RAX: variants seen among roughly 807,000 people sequenced by gnomAD.
RAX encodes the protein retinal homeobox protein Rx.
In RAX, 11 loss-of-function variants were observed where a neutral mutation model predicts 17.4. That is an observed-to-expected ratio of 0.63 (90% CI 0.40 to 1.05). The LOEUF (loss-of-function observed/expected upper bound fraction) is 1.05, where lower values mean the gene tolerates loss of function less well. RAX is among the 50% of genes least tolerant of loss of function. The pLI, the probability that RAX is intolerant of heterozygous loss-of-function variation, is 0.00. For synonymous variants in RAX, 276 were observed against 254.7 expected, an observed-to-expected ratio of 1.08 and a Z score of -0.80; for missense variants, 527 against 501.1, an observed-to-expected ratio of 1.05 and a Z score of -0.49.
In RAX at chr18:59,273,260, A is replaced by G. The variant is rs1238086410; in HGVS notation, c.-54T>C. ...TTGGAGACGGAGAGGAGAGGCTCGA[A>G]GCCGGGTCTTCCCGAGTGCGGCGGT... On this transcript the variant is annotated 5_prime_UTR_variant, in exon 1 of 3. Coordinates refer to ENST00000334889, the MANE Select transcript of RAX (RefSeq NM_013435.3). 6.7e-7 allele frequency: 1 copy of G among 1,488,908 alleles called. No homozygotes were observed. The allele number at this position is 1,488,908 out of a possible 1,614,324, so 92.2% of individuals were successfully genotyped here.
At chr18:59,272,232 A>G in intron 2 of RAX, 129 bp downstream of exon 2, 2 of 1,296,214 alleles carry the variant, frequency 1.5e-6, no homozygotes, top group Non-Finnish European at 2.2e-6. Flanking sequence ...CTCCCTTGAG[A>G]CTCTGGGCAT....
rs2070309493 is a variant in RAX at position 59,269,140 on chromosome 18, G to C, written c.905C>G (p.Ser302Cys). 10 of 1,601,256 alleles carry C rather than the reference G, an allele frequency of 6.2e-6. No homozygotes were observed. Among genetic ancestry groups the C allele is most frequent in the Non-Finnish European group, 8.5e-6 (10 of 1,174,192 alleles). Residue 302 changes from serine to cysteine, a missense_variant, in exon 3 of 3, where the codon TCC (serine) becomes TGC (cysteine). By Grantham distance (112) the Ser-to-Cys change is moderately radical. Transcript: ENST00000334889. The stretch of plus-strand genomic sequence containing the variant: ...CCCGAAGCCGGGCCCGCACGGGTAG[G>C]AGGGCGGCGGCGGCGCGAGAGGTTG... Reference protein sequence around the residue: ...GLQPLAPPPPSYPCGPGFGDK... With the variant: ...GLQPLAPPPPCYPCGPGFGDK...
In RAX at chr18:59,269,294, C is replaced by A. The variant is rs1297596197; in HGVS notation, c.751G>T (p.Gly251Cys). ...LESWLGPPLPGGGATALQSLP... is the reference protein window; with the variant it reads ...LESWLGPPLPCGGATALQSLP... ...CTCTGCAGCGCCGTGGCGCCCCCGC[C>A]CGGCAGCGGCGGCCCGAGCCAGGAC... Residue 251 changes from glycine (G) to cysteine (C), a missense_variant, in exon 3 of 3, where the codon GGC (glycine) becomes TGC (cysteine). Physicochemically the swap from Gly to Cys is radical, Grantham distance 159 (BLOSUM62 -3). Coordinates refer to ENST00000334889, the MANE Select transcript of RAX (RefSeq NM_013435.3). 9.3e-6 allele frequency: 12 copies of A among 1,291,100 alleles called. No individual in the cohort carries two copies. The East Asian group carries it at 4.0e-4, about 43-fold the overall frequency. 80.0% of individuals were successfully genotyped at this position (1,291,100 alleles called of 1,614,324 possible).
chr18:59,271,236 G>A (rs143322544), intron 2 of RAX, among the ~76,000 whole-genome samples: 9 of 152,340 alleles, frequency 5.9e-5, no homozygotes, highest in African/African-American at 2.2e-4. Flanking sequence ...TGCCCAGGGA[G>A]CTGAGTCTGC....
chr18:59,269,732 C>T (rs983926345), intron 2 of RAX, among the ~76,000 whole-genome samples: 1 of 111,356 alleles, frequency 9.0e-6, no homozygotes, highest in African/African-American at 3.7e-5. Flanking sequence ...CTCTCTCTCT[C>T]TCTCTCTTTT....
In RAX at chr18:59,268,535, C is replaced by T. The variant is rs1011139658; in HGVS notation, c.*469G>A. On this transcript the variant is annotated 3_prime_UTR_variant, in exon 3 of 3. Coordinates refer to ENST00000334889, the MANE Select transcript of RAX (RefSeq NM_013435.3). The surrounding 1 kb of genome is among the most constrained non-coding windows in gnomAD (Gnocchi z 4.4). ...TTAAACAGAGTCGAAACAAAACAAG[C>T]ATGTCTTTAATTCTCCTCTCAAATA... 88 of 185,072 alleles carry T rather than the reference C, an allele frequency of 4.8e-4. No homozygotes were observed. The highest frequency in any genetic ancestry group is 1.9e-3 in the African/African-American group (81 of 42,266). The allele number at this position is 185,072 out of a possible 1,614,324, so 11.5% of individuals were successfully genotyped here. A position where few individuals can be genotyped will look rare whatever the true frequency, so the allele number is the denominator to read the frequency against.
At chr18:59,272,662 C>A (rs769194261) in intron 1 of RAX, 48 bp from the exon 2 acceptor site, 1 of 1,556,350 alleles carries the variant, frequency 6.4e-7, no homozygotes, top group Non-Finnish European at 8.6e-7. Flanking sequence ...CCAAAACACC[C>A]TTGGGCCGAC....
chr18:59,269,221 G>T lies in RAX; in HGVS notation c.824C>A (p.Thr275Lys), dbSNP rs1481712814. Residue 275 changes from threonine to lysine, a missense_variant, in exon 3 of 3, where the codon ACG becomes AAG. Physicochemically the swap from Thr to Lys is moderately conservative, Grantham distance 78. Coordinates refer to ENST00000334889, the MANE Select transcript of RAX (RefSeq NM_013435.3). ...GAAGGGCGGAGGCGGCGGCGGTGGC[G>T]TGTAGCTGGCAGGCAGGCTCTGCGC... ...PPAQSLPASY[T>K]PPPPPPPFLN... is the part of the protein sequence containing the mutation. 9.8e-6 allele frequency: 15 copies of T among 1,525,714 alleles called. No homozygotes were observed. The highest frequency in any genetic ancestry group is 1.2e-5 in the Non-Finnish European group (14 of 1,142,388). The allele number at this position is 1,525,714 out of a possible 1,614,324, so 94.5% of individuals were successfully genotyped here.
chr18:59,268,966 C>A lies in RAX; in HGVS notation c.*38G>T. ...AGAGAGGATGCGGGTACGGTGCGGTCGGCCCGGGGTCGGATCCCAAGACGT... is the reference window on the plus strand; with the variant it reads ...AGAGAGGATGCGGGTACGGTGCGGTAGGCCCGGGGTCGGATCCCAAGACGT... On this transcript the variant is annotated 3_prime_UTR_variant, in exon 3 of 3. Coordinates refer to ENST00000334889, the MANE Select transcript of RAX (RefSeq NM_013435.3). This position sits in a 1 kb window ranked among gnomAD's most constrained non-coding sequence, Gnocchi z 4.4. 2 of 1,612,644 alleles carry A rather than the reference C, an allele frequency of 1.2e-6. No homozygotes were observed. The highest frequency in any genetic ancestry group is 1.1e-5 in the South Asian group (1 of 91,042).
Position 59,272,994 on chromosome 18 carries a change from G to T in RAX, c.213C>A (p.Pro71=), listed in dbSNP as rs1257377309. 1 of 1,524,776 alleles carries T rather than the reference G, an allele frequency of 6.6e-7. No homozygotes were observed. The highest frequency in any genetic ancestry group is 1.2e-5 in the South Asian group (1 of 83,122). 94.5% of individuals were successfully genotyped at this position (1,524,776 alleles called of 1,614,324 possible). Residue 71 remains proline, a synonymous_variant, in exon 1 of 3, where the codon CCC becomes CCA. Coordinates refer to ENST00000334889, the MANE Select transcript of RAX (RefSeq NM_013435.3). The part of the protein sequence containing the change: ...KERDRRLGAR[P]ACPKAPEEGS... ...CTTCCTCGGGCGCCTTGGGGCAGGC[G>T]GGCCGCGCGCCCAGCCTCCTATCCC...
intron 2 of RAX, 82 bp downstream of exon 2, chr18:59,272,279 A>G: frequency 6.3e-7 from 1 of 1,583,022 alleles, no homozygotes; most frequent in South Asian, 1.1e-5. Flanking sequence ...ATGCATGGAC[A>G]CCCGTGAATT....
rs1457677288 is a variant in RAX at position 59,268,880 on chromosome 18, G to A, written c.*124C>T. 17 of 1,490,408 alleles carry A rather than the reference G, an allele frequency of 1.1e-5. No homozygotes were observed. Among genetic ancestry groups the A allele is most frequent in the Non-Finnish European group, 1.6e-5 (17 of 1,091,652 alleles). 92.3% of individuals were successfully genotyped at this position (1,490,408 alleles called of 1,614,324 possible). A position where few individuals can be genotyped will look rare whatever the true frequency, so the allele number is the denominator to read the frequency against. On this transcript the variant is annotated 3_prime_UTR_variant, in exon 3 of 3. Transcript: ENST00000334889. The surrounding 1 kb of genome is among the most constrained non-coding windows in gnomAD (Gnocchi z 4.4). ...GGCGCGTGGCCCTGAACTATGCTTG[G>A]CGGGTGGCTGCAGGCGACAGGGAAA...
In RAX at chr18:59,268,713, G is replaced by A. The variant is rs3744892; in HGVS notation, c.*291C>T. On this transcript the variant is annotated 3_prime_UTR_variant, in exon 3 of 3. Coordinates refer to ENST00000334889, the MANE Select transcript of RAX (RefSeq NM_013435.3). This position sits in a 1 kb window ranked among gnomAD's most constrained non-coding sequence, Gnocchi z 4.4. ...GGGCCTGGAGGCTCCAGCGCCTGCG[G>A]TGATGGGAGCGGCGTGGCCAGCGGG... is the stretch of plus-strand genomic sequence containing the variant. The A allele has an allele frequency of 0.26, 140,504 of 545,982 alleles. 19,350 individuals are homozygous for A. Among genetic ancestry groups the A allele is most frequent in the Non-Finnish European group, 0.29 (90,269 of 309,296 alleles). The allele number at this position is 545,982 out of a possible 1,614,324, so 33.8% of individuals were successfully genotyped here.
intron 2 of RAX, 100 bp from the exon 3 acceptor site, chr18:59,269,601 C>T (rs2070318085): frequency 2.9e-6 from 4 of 1,380,036 alleles, no homozygotes; most frequent in East Asian, 5.3e-5. Context: ...CTCCGTCCCC[C>T]TCAAATAAAA....
intron 2 of RAX, among the ~76,000 whole-genome samples, chr18:59,271,797 C>T (rs1341313326): frequency 1.3e-5 from 2 of 152,156 alleles, no homozygotes; most frequent in South Asian, 2.1e-4. Flanking sequence ...TTAATTAAAG[C>T]GAAAACCCCT....
intron 2 of RAX, among the ~76,000 whole-genome samples, chr18:59,270,395 T>C (rs1568097146): frequency 1.3e-5 from 2 of 152,254 alleles, no homozygotes; most frequent in Non-Finnish European, 2.9e-5. Context: ...TTTTTGCTTC[T>C]TCTTCTTTAT....
rs778558232 is a variant in RAX, at chr18:59,268,971, C to T, written c.*33G>A. On this transcript the variant is annotated 3_prime_UTR_variant, in exon 3 of 3. Transcript: ENST00000334889. The surrounding 1 kb of genome is among the most constrained non-coding windows in gnomAD (Gnocchi z 4.4). ...GGATGCGGGTACGGTGCGGTCGGCC[C>T]GGGGTCGGATCCCAAGACGTTCCCC... 2 of 1,612,740 alleles carry T rather than the reference C, an allele frequency of 1.2e-6. No homozygotes were observed. The highest frequency in any genetic ancestry group is 1.1e-5 in the South Asian group (1 of 91,074).
At position 59,273,195 on chromosome 18, in the gene RAX, C is replaced by A. The variant is rs529881697; in HGVS notation, c.12G>T (p.Pro4=). 1 of 1,530,190 alleles carries A rather than the reference C, an allele frequency of 6.5e-7. No individual in the cohort carries two copies. The highest frequency in any genetic ancestry group is 8.7e-7 in the Non-Finnish European group (1 of 1,144,218). The allele number at this position is 1,530,190 out of a possible 1,614,324, so 94.8% of individuals were successfully genotyped here. ...CGTCGGCCATGGCTGGCGCGCAGCC[C>A]GGCAGGTGCATGGGGAGCGCCGGGA... MHL[P]GCAPAMADGS... Residue 4 remains proline, a synonymous_variant, in exon 1 of 3, where the codon CCG becomes CCT. Transcript: ENST00000334889.
At chr18:59,272,702 G>C in intron 1 of RAX, 88 bp from the exon 2 acceptor site, 1 of 1,474,148 alleles carries the variant, frequency 6.8e-7, no homozygotes, top group Non-Finnish European at 8.9e-7. Flanking sequence ...TGGCCAGCCC[G>C]CCTGCGGGCT....
Sources: allele counts gnomAD v4.1 joint callset (sites outside exome capture counted in the v4.1 genomes callset), GRCh38; gene constraint gnomAD v4.1.1; non-coding constraint Gnocchi (gnomAD v3.1); transcripts MANE v1.5; gene names NCBI Gene and HGNC (gene_info 2026-07-23, HGNC 2026-07-21).